DCP1B: variants seen among roughly 807,000 people sequenced by gnomAD.
DCP1B encodes decapping mRNA 1B.
Under a neutral mutation model 60.5 loss-of-function variants are expected in DCP1B, and 47 were observed. The observed-to-expected ratio is 0.78, with a 90% CI of 0.61 to 0.99. The LOEUF (loss-of-function observed/expected upper bound fraction) is 0.99, where lower values mean the gene tolerates loss of function less well. DCP1B is among the 50% of genes least tolerant of loss of function. The pLI is 0.00. For missense variants in DCP1B, 725 were observed against 756.8 expected (o/e 0.96, Z 0.49); for synonymous variants, 267 against 280.3 (o/e 0.95, Z 0.47).
In DCP1B at chr12:2,004,275, C is replaced by A; in HGVS notation, c.150+7G>T. 1 of 1,613,008 alleles carries A rather than the reference C, an allele frequency of 6.2e-7. No homozygotes were observed. Among genetic ancestry groups the A allele is most frequent in the Non-Finnish European group, 8.5e-7 (1 of 1,179,856 alleles). Reference sequence around the variant, plus strand: ...GGGCTGCACTGCTCCGCCGCGTCCGCACGCACCCACTCGTTGGCCCGATGG... The same window carrying A: ...GGGCTGCACTGCTCCGCCGCGTCCGAACGCACCCACTCGTTGGCCCGATGG... On this transcript the variant is annotated splice_region_variant and intron_variant, in intron 1 of 8. Transcript: ENST00000280665.
chr12:1,952,663 T>A lies in DCP1B; in HGVS notation c.1277A>T (p.Gln426Leu). Residue 426 changes from glutamine (Q) to leucine (L), a missense_variant, in exon 7 of 9, where the codon CAG becomes CTG. Physicochemically the swap from Gln to Leu is moderately radical, Grantham distance 113. Coordinates refer to ENST00000280665, the MANE Select transcript of DCP1B (RefSeq NM_152640.5). ...TVGHQAHGRE[Q>L]STLPRQTLPI... ...GAGTGTTTGTCTTGGGAGTGTGGAC[T>A]GTTCTCTTCCATGAGCCTGATGTCC... The A allele has an allele frequency of 6.2e-7, 1 of 1,614,184 alleles. No homozygotes were observed. The highest frequency in any genetic ancestry group is 2.2e-5 in the East Asian group (1 of 44,874).
At chr12:1,995,001 G>A (rs1183753362) in intron 2 of DCP1B, among the ~76,000 whole-genome samples, 1 of 148,136 alleles carries the variant, frequency 6.8e-6, no homozygotes, top group African/African-American at 2.5e-5. Flanking sequence ...TTTTTGTTTT[G>A]CAGGGGATAA....
At chr12:1,961,724 T>G (rs1440457971) in intron 5 of DCP1B, among the ~76,000 whole-genome samples, 2 of 152,176 alleles carry the variant, frequency 1.3e-5, no homozygotes, top group African/African-American at 4.8e-5. Context: ...CTGGGAAAAC[T>G]CCACGTAAAA....
At chr12:1,975,021 C>T (rs1341636164) in intron 3 of DCP1B, among the ~76,000 whole-genome samples, 2 of 152,074 alleles carry the variant, frequency 1.3e-5, no homozygotes, top group Non-Finnish European at 2.9e-5. Flanking sequence ...TGAAAATAGC[C>T]TAACTATAAA....
chr12:1,981,760 A>G (rs2036201394), intron 3 of DCP1B, among the ~76,000 whole-genome samples: 1 of 152,238 alleles, frequency 6.6e-6, no homozygotes, highest in African/African-American at 2.4e-5. Flanking sequence ...TCACAGCTAC[A>G]CAGGGGACTC....
chr12:1,955,660 T>A (rs1177573039), intron 5 of DCP1B, 100 bp from the exon 6 acceptor site: 23 of 1,337,678 alleles, frequency 1.7e-5, no homozygotes, highest in Non-Finnish European at 2.2e-5. Flanking sequence ...TAGACGGCTG[T>A]GTTTTTGATA....
chr12:1,943,309 C>T (rs2030324968), downstream of DCP1B, among the ~76,000 whole-genome samples: 1 of 151,562 alleles, frequency 6.6e-6, no homozygotes, highest in Non-Finnish European at 1.5e-5. Flanking sequence ...TAATTAATAG[C>T]CTATCAACCC....
At chr12:1,967,941 A>C (rs778253657) in intron 3 of DCP1B, 31 bp from the exon 4 acceptor site, 1 of 1,583,692 alleles carries the variant, frequency 6.3e-7, no homozygotes, top group Non-Finnish European at 8.6e-7. Context: ...ACAAATTATG[A>C]GCATCTTCAA....
intron 3 of DCP1B, among the ~76,000 whole-genome samples, chr12:1,976,271 A>G (rs909184180): frequency 7.9e-5 from 12 of 152,226 alleles, no homozygotes; most frequent in African/African-American, 2.7e-4. Flanking sequence ...GCAATGGTGC[A>G]TAATAAATAG....
chr12:1,943,571 C>A (rs918404910), downstream of DCP1B, among the ~76,000 whole-genome samples: 2 of 152,298 alleles, frequency 1.3e-5, no homozygotes, highest in Non-Finnish European at 2.9e-5. Context: ...TCCAGCAGCA[C>A]ATCAAAAAGC....
chr12:1,951,414 A>G (rs6489338), intron 7 of DCP1B, among the ~76,000 whole-genome samples: 92,414 of 152,164 alleles, frequency 0.61, 29,458 homozygotes, highest in African/African-American at 0.81. Flanking sequence ...AAACAATTCA[A>G]TGTCAGATCT....
At chr12:1,997,103 A>G (rs1565872300) in intron 2 of DCP1B, among the ~76,000 whole-genome samples, 1 of 152,182 alleles carries the variant, frequency 6.6e-6, no homozygotes, top group Admixed American at 6.5e-5. Context: ...TTAATATCTG[A>G]TAACAAGAAA....
chr12:2,004,322 T>A lies in DCP1B; in HGVS notation c.110A>T (p.Gln37Leu), dbSNP rs1271543227. Reference protein sequence around the residue: ...YINRIVDVASQVALYTFGHRA... With the variant: ...YINRIVDVASLVALYTFGHRA... ...ATGGCCGAAGGTGTACAGAGCCACC[T>A]GGCTGGCCACGTCCACGATGCGGTT... Residue 37 changes from glutamine to leucine, a missense_variant, in exon 1 of 9, where the codon CAG (glutamine) becomes CTG (leucine). Physicochemically the swap from Gln to Leu is moderately radical, Grantham distance 113. Coordinates refer to ENST00000280665, the MANE Select transcript of DCP1B (RefSeq NM_152640.5). The A allele has an allele frequency of 1.2e-6, 2 of 1,613,398 alleles. No homozygotes were observed. Among genetic ancestry groups the A allele is most frequent in the Non-Finnish European group, 1.7e-6 (2 of 1,179,926 alleles).
intron 3 of DCP1B, chr12:1,992,646 C>T (rs1160645153): frequency 1.3e-5 from 2 of 159,564 alleles, no homozygotes; most frequent in African/African-American, 2.4e-5. Flanking sequence ...AGAAACGATA[C>T]GAGAGTAAAA....
chr12:1,949,159 G>A lies in DCP1B; in HGVS notation c.1700C>T (p.Pro567Leu), dbSNP rs147171506. The A allele has an allele frequency of 1.1e-5, 18 of 1,613,970 alleles. No individual in the cohort carries two copies. The highest frequency in any genetic ancestry group is 1.6e-4 in the Middle Eastern group (1 of 6,074). The change falls in exon 8 of 9, where the codon CCG becomes CTG. Residue 567 changes from proline (P) to leucine (L), a missense_variant. Coordinates refer to ENST00000280665, the MANE Select transcript of DCP1B (RefSeq NM_152640.5). ...GCTGCTGGTGATCACGGAGGGCTCC[G>A]GGCTCTGTATGGGCAGGAGGAGGCT... ...ATSLLLPIQS[P>L]EPSVITSSPL...
intron 3 of DCP1B, among the ~76,000 whole-genome samples, chr12:1,981,192 G>A (rs2036019506): frequency 6.6e-6 from 1 of 152,086 alleles, no homozygotes; most frequent in Non-Finnish European, 1.5e-5. Context: ...GAAGCTGAGC[G>A]GCTCCTAGGT....
intron 1 of DCP1B, among the ~76,000 whole-genome samples, chr12:2,001,143 T>A (rs1267141584): frequency 6.6e-6 from 1 of 152,158 alleles, no homozygotes; most frequent in Non-Finnish European, 1.5e-5. Flanking sequence ...TTTGAAAATA[T>A]ACATTTCTGT....
intron 3 of DCP1B, among the ~76,000 whole-genome samples, chr12:1,988,631 A>AT (rs2038487471): frequency 6.6e-6 from 1 of 152,010 alleles, no homozygotes; most frequent in Non-Finnish European, 1.5e-5. Flanking sequence ...TGTCTTTTTA[A>AT]TTTTTTTACT....
intron 7 of DCP1B, among the ~76,000 whole-genome samples, chr12:1,951,109 TA>T (rs941279953): frequency 6.6e-6 from 1 of 151,906 alleles, no homozygotes; most frequent in Non-Finnish European, 1.5e-5. Flanking sequence ...TCGTCTCTAC[TA>T]AAAAAATACA....
Sources: gnomAD v4.1 joint callset for allele counts (sites outside exome capture counted in the v4.1 genomes callset) on GRCh38, gnomAD v4.1.1 for gene constraint, MANE v1.5 for transcripts, NCBI Gene and HGNC (gene_info 2026-07-23, HGNC 2026-07-21) for gene names.